Variants in RERGL observed in about 807,000 individuals in gnomAD.
RERGL encodes the protein RERG like.
In RERGL, 22 loss-of-function variants were observed where a neutral mutation model predicts 24.7. That is an observed-to-expected ratio of 0.89 (90% CI 0.64 to 1.27). RERGL has a LOEUF of 1.27. Among genes scored for constraint, RERGL ranks in the 50% most tolerant of loss-of-function variants. RERGL has a pLI of 0.00. For synonymous variants in RERGL, 76 were observed against 82.6 expected (o/e 0.92, Z 0.43); for missense variants, 259 against 235.3 (o/e 1.10, Z -0.66).
At chr12:18,088,788 T>C (rs1486526269) in intron 2 of RERGL, 112 bp downstream of exon 2, 6 of 754,262 alleles carry the variant, frequency 8.0e-6, no homozygotes, top group African/African-American at 1.8e-5. Flanking sequence ...AAATAAATTG[T>C]TTCATATGCA....
At chr12:18,085,924 C>G (rs943962263) in intron 2 of RERGL, among the ~76,000 whole-genome samples, 1 of 145,568 alleles carries the variant, frequency 6.9e-6, no homozygotes, top group Non-Finnish European at 1.5e-5. Context: ...GTGGCGCGAT[C>G]TCGGCTCACC....
At position 18,085,691 on chromosome 12, in the gene RERGL, AT is replaced by A; in HGVS notation, c.111del (p.Glu37AspfsTer15). On this transcript the variant is annotated frameshift_variant and splice_region_variant, in exon 3 of 5. Transcript: ENST00000538724. LOFTEE classifies it high-confidence loss of function. ...RFIGEYASNFESIYKKHLCLE... is the reference protein window; with the variant it reads ...RFIGEYASNFXSIYKKHLCLE... ...AAACACAAGTGCTTCTTATAGATAG[AT>A]TCTGCAAAAATATGCATATCCACTG... The A allele has an allele frequency of 6.3e-7, 1 of 1,580,252 alleles. No individual in the cohort carries two copies. Among genetic ancestry groups the A allele is most frequent in the Non-Finnish European group, 8.7e-7 (1 of 1,155,010 alleles).
At chr12:18,084,733 T>G in intron 3 of RERGL, 68 bp from the exon 4 acceptor site, 1 of 1,365,778 alleles carries the variant, frequency 7.3e-7, no homozygotes. Flanking sequence ...TTTAAACAGT[T>G]AACTAATGGA....
intron 4 of RERGL, among the ~76,000 whole-genome samples, chr12:18,082,535 G>A (rs1220530274): frequency 6.6e-6 from 1 of 152,116 alleles, no homozygotes; most frequent in South Asian, 2.1e-4. Flanking sequence ...AATTCTCACA[G>A]AGGTTAAAGC....
Position 18,084,513 on chromosome 12 carries a change from T to C in RERGL, c.332+4A>G. ...AAAGGAGAAAGGAATGAAAAATACCTTACCTTTTACAATGACTAGTTTGTG... is the reference window on the plus strand; with the variant it reads ...AAAGGAGAAAGGAATGAAAAATACCCTACCTTTTACAATGACTAGTTTGTG... On this transcript the variant is annotated splice_donor_region_variant and intron_variant, in intron 4 of 4. Coordinates refer to ENST00000538724, the MANE Select transcript of RERGL (RefSeq NM_001286201.2). 1 of 1,599,566 alleles carries C rather than the reference T, an allele frequency of 6.3e-7. No homozygotes were observed. The highest frequency in any genetic ancestry group is 1.1e-5 in the South Asian group (1 of 88,014).
In RERGL at chr12:18,085,712, C is replaced by T. The variant is rs1026652216; in HGVS notation, c.110-19G>A. 1 of 1,415,596 alleles carries T rather than the reference C, an allele frequency of 7.1e-7. No individual in the cohort carries two copies. 87.7% of individuals were successfully genotyped at this position (1,415,596 alleles called of 1,614,324 possible). A position where few individuals can be genotyped will look rare whatever the true frequency, so the allele number is the denominator to read the frequency against. ...ATAGATTCTGCAAAAATATGCATAT[C>T]CACTGTCAGTATGAAAATACTCCAA... On this transcript the variant is annotated intron_variant, in intron 2 of 4. Transcript: ENST00000538724.
chr12:18,081,092 CT>C lies in RERGL; in HGVS notation c.*98del, dbSNP rs1947165520. Reference sequence around the variant, plus strand: ...ATCATTTCATATCTCCAAGAGAATTCTTTTTACCAAAAAAAAATTGCATACA... The same window carrying C: ...ATCATTTCATATCTCCAAGAGAATTCTTTTACCAAAAAAAAATTGCATACA... On this transcript the variant is annotated 3_prime_UTR_variant, in exon 5 of 5. Coordinates refer to ENST00000538724, the MANE Select transcript of RERGL (RefSeq NM_001286201.2). 9.0e-7 allele frequency: 1 copy of C among 1,105,628 alleles called. No individual in the cohort carries two copies. The highest frequency in any genetic ancestry group is 1.3e-6 in the Non-Finnish European group (1 of 789,124). 68.5% of individuals were successfully genotyped at this position (1,105,628 alleles called of 1,614,324 possible). A position where few individuals can be genotyped will look rare whatever the true frequency, so the allele number is the denominator to read the frequency against.
At chr12:18,081,584 A>C (rs1947173804) in intron 4 of RERGL, 111 bp from the exon 5 acceptor site, 2 of 1,026,328 alleles carry the variant, frequency 1.9e-6, no homozygotes, top group Non-Finnish European at 2.8e-6. Context: ...AAAAGAAAAA[A>C]TATTGTGTGT....
At chr12:18,084,422 T>C in intron 4 of RERGL, 95 bp downstream of exon 4, 3 of 1,211,254 alleles carry the variant, frequency 2.5e-6, no homozygotes, top group South Asian at 3.3e-5. Context: ...TTAAATTTTG[T>C]AATTGGAAGG....
intron 1 of RERGL, among the ~76,000 whole-genome samples, chr12:18,089,867 G>C (rs1947253827): frequency 6.6e-6 from 1 of 151,954 alleles, no homozygotes; most frequent in East Asian, 1.9e-4. Flanking sequence ...TATTTATCTT[G>C]CTATGCCTGC....
intron 4 of RERGL, among the ~76,000 whole-genome samples, chr12:18,082,679 TA>T (rs1947185126): frequency 6.6e-6 from 1 of 152,208 alleles, no homozygotes; most frequent in Non-Finnish European, 1.5e-5. Flanking sequence ...AATGTCTCTT[TA>T]CTTATACAGT....
intron 1 of RERGL, chr12:18,089,318 C>T (rs769236034): frequency 6.3e-7 from 1 of 1,575,958 alleles, no homozygotes; most frequent in Non-Finnish European, 8.6e-7. Context: ...AGTCTGGCTT[C>T]AAGGTACTAT....
intron 2 of RERGL, among the ~76,000 whole-genome samples, chr12:18,087,908 G>A (rs1402495495): frequency 6.6e-6 from 1 of 152,006 alleles, no homozygotes; most frequent in Non-Finnish European, 1.5e-5. Context: ...TCAAGCTCTT[G>A]CCCTAAAATG....
chr12:18,082,324 G>T (rs1163084520), intron 4 of RERGL, among the ~76,000 whole-genome samples: 1 of 152,052 alleles, frequency 6.6e-6, no homozygotes, highest in Non-Finnish European at 1.5e-5. Flanking sequence ...ACACAATGGT[G>T]CCTATTGGAA....
rs554056220 is a variant in RERGL at position 18,087,805 on chromosome 12, G to A, written c.109+1095C>T. On this transcript the variant is annotated intron_variant, in intron 2 of 4. Transcript: ENST00000538724. Reference sequence around the variant, plus strand: ...CTCATGCCCGAGTCCTAACTTGTATGTTATGTTGACCTTTTTGACTGATGT... The same window carrying A: ...CTCATGCCCGAGTCCTAACTTGTATATTATGTTGACCTTTTTGACTGATGT... Among the ~76,000 whole-genome samples, 337 of 152,172 alleles carry A rather than the reference G, an allele frequency of 2.2e-3. 1 individual carries two copies. Among genetic ancestry groups the A allele is most frequent in the Non-Finnish European group, 3.9e-3 (266 of 67,968 alleles).
At chr12:18,087,361 T>A (rs1279066882) in intron 2 of RERGL, among the ~76,000 whole-genome samples, 3 of 152,212 alleles carry the variant, frequency 2.0e-5, no homozygotes, top group Non-Finnish European at 4.4e-5. Context: ...AAACCTTAAA[T>A]TATGTTTTCA....
chr12:18,089,525 G>A (rs144501651), intron 1 of RERGL: 34 of 439,132 alleles, frequency 7.7e-5, no homozygotes, highest in African/African-American at 3.1e-4. Flanking sequence ...TAATGTGACC[G>A]AAACCAAAGC....
chr12:18,083,240 C>T (rs1422368058), intron 4 of RERGL, among the ~76,000 whole-genome samples: 1 of 152,012 alleles, frequency 6.6e-6, no homozygotes, highest in Admixed American at 6.6e-5. Context: ...CTTTCCTAGT[C>T]TTTTTACAGA....
At chr12:18,089,345 G>A in intron 1 of RERGL, 1 of 1,486,854 alleles carries the variant, frequency 6.7e-7, no homozygotes, top group Non-Finnish European at 8.9e-7. Context: ...TAGTCACAAA[G>A]ACACTACCAA....
Sources: allele counts gnomAD v4.1 joint callset (sites outside exome capture counted in the v4.1 genomes callset), GRCh38; gene constraint gnomAD v4.1.1; transcripts MANE v1.5; gene names NCBI Gene and HGNC (gene_info 2026-07-23, HGNC 2026-07-21).